The following SGCB variants were observed in gnomAD, a reference collection of about 807,000 sequenced individuals.
SGCB encodes the protein sarcoglycan beta.
SGCB carries 25 observed loss-of-function variants against 27.3 expected under a neutral mutation model. That is an observed-to-expected ratio of 0.92 (90% confidence interval 0.67 to 1.28). The LOEUF (loss-of-function observed/expected upper bound fraction) is 1.28, where lower values mean the gene tolerates loss of function less well. SGCB is among the 50% of genes most tolerant of loss of function. SGCB has a pLI of 0.00. For missense variants in SGCB, 436 were observed against 402.1 expected, an observed-to-expected ratio of 1.08 and a Z score of -0.72; for synonymous variants, 147 against 133.5, an observed-to-expected ratio of 1.10 and a Z score of -0.70.
At chr4:52,034,550 G>A (rs373305021) in intron 1 of SGCB, among the ~76,000 whole-genome samples, 2 of 151,846 alleles carry the variant, frequency 1.3e-5, no homozygotes, top group East Asian at 3.9e-4. Flanking sequence ...TGCAAAAACT[G>A]CACCACTTTA....
chr4:52,028,759 A>G lies in SGCB; in HGVS notation c.592T>C (p.Leu198=). 6.2e-7 allele frequency: 1 copy of G among 1,613,760 alleles called. No homozygotes were observed. The highest frequency in any genetic ancestry group is 2.2e-5 in the East Asian group (1 of 44,856). The change falls in exon 4 of 6, where the codon TTG becomes CTG. Residue 198 remains leucine, a synonymous_variant. Coordinates refer to ENST00000381431, the MANE Select transcript of SGCB (RefSeq NM_000232.5). ...EFHLPSGVKS[L]NVQKASTERI... ...TCAGTAGATGCCTTTTGAACATTCA[A>G]ACTTTTCACTCCACTTGGCAAATGA...
At chr4:52,034,495 C>G (rs2109377215) in intron 1 of SGCB, among the ~76,000 whole-genome samples, 1 of 150,974 alleles carries the variant, frequency 6.6e-6, no homozygotes, top group Admixed American at 6.6e-5. Flanking sequence ...TGTAAGTAAT[C>G]TGCAGATGGA....
intron 1 of SGCB, among the ~76,000 whole-genome samples, chr4:52,037,293 T>A (rs1737418679): frequency 6.6e-6 from 1 of 152,206 alleles, no homozygotes; most frequent in Non-Finnish European, 1.5e-5. Flanking sequence ...TGAAGAGAGA[T>A]TTTACGTCTT....
In SGCB at chr4:52,028,924, T is replaced by TC; in HGVS notation, c.430-4dup. 6.2e-7 allele frequency: 1 copy of TC among 1,609,324 alleles called. No homozygotes were observed. Among genetic ancestry groups the TC allele is most frequent in the Non-Finnish European group, 8.5e-7 (1 of 1,175,986 alleles). ...GTTGTCCCTTGCTGAAAAACAATCT[T>TC]CAAAAAAAACAGTTTATTGTGAATA... On this transcript the variant is annotated splice_polypyrimidine_tract_variant and splice_region_variant and intron_variant, in intron 3 of 5. Transcript: ENST00000381431.
intron 5 of SGCB, among the ~76,000 whole-genome samples, chr4:52,026,863 G>A (rs1356066982): frequency 6.6e-6 from 1 of 152,204 alleles, no homozygotes; most frequent in Non-Finnish European, 1.5e-5. Flanking sequence ...TTGCTTCTGT[G>A]ACTTTCTACT....
intron 5 of SGCB, among the ~76,000 whole-genome samples, chr4:52,025,876 G>A (rs1737076328): frequency 6.6e-6 from 1 of 152,220 alleles, no homozygotes; most frequent in South Asian, 2.1e-4. Flanking sequence ...ACTGATGGGT[G>A]TCATTTAATG....
chr4:52,026,787 C>T (rs527310722), intron 5 of SGCB, among the ~76,000 whole-genome samples: 1 of 152,070 alleles, frequency 6.6e-6, no homozygotes, highest in Non-Finnish European at 1.5e-5. Flanking sequence ...TAGAATGGGA[C>T]AAGAAGTGGC....
Position 52,024,179 on chromosome 4 carries a change from T to A in SGCB, c.754-19A>T, listed in dbSNP as rs1044047877. The A allele has an allele frequency of 1.9e-6, 3 of 1,590,126 alleles. No homozygotes were observed. The African/African-American group carries it at 4.0e-5, about 21-fold the overall frequency. On this transcript the variant is annotated intron_variant, in intron 5 of 5. Coordinates refer to ENST00000381431, the MANE Select transcript of SGCB (RefSeq NM_000232.5). ...TGTTTTCCTATTAGGAGAATAGTAA[T>A]ATGATTTATTTACCTCCATGAGGGG...
chr4:52,026,657 C>T (rs899587431), intron 5 of SGCB, among the ~76,000 whole-genome samples: 1 of 152,044 alleles, frequency 6.6e-6, no homozygotes, highest in South Asian at 2.1e-4. Context: ...CTGATATTAA[C>T]GAAGTTATAA....
At chr4:52,030,436 C>T (rs1294687531) in intron 2 of SGCB, among the ~76,000 whole-genome samples, 1 of 152,052 alleles carries the variant, frequency 6.6e-6, no homozygotes, top group Non-Finnish European at 1.5e-5. Context: ...ATTACCAAAC[C>T]AAATATGTCC....
At chr4:52,031,392 C>CTGTGTGTGTGTATG (rs1737241228) in intron 2 of SGCB, among the ~76,000 whole-genome samples, 1 of 140,152 alleles carries the variant, frequency 7.1e-6, no homozygotes, top group African/African-American at 2.9e-5. Context: ...CCATTCATCT[C>CTGTGTGTGTGTATG]TGTGTGTGTG....
At chr4:52,029,553 T>C in intron 3 of SGCB, 125 bp downstream of exon 3, 1 of 633,520 alleles carries the variant, frequency 1.6e-6, no homozygotes, top group Non-Finnish European at 2.8e-6. Flanking sequence ...ATAGATATAT[T>C]ATAAATATAC....
chr4:52,038,104 CG>C (rs2109380557), intron 1 of SGCB, 122 bp downstream of exon 1: 14 of 839,502 alleles, frequency 1.7e-5, no homozygotes, highest in Admixed American at 5.5e-5. Flanking sequence ...CGATCGGCCC[CG>C]CCGAACCCAG....
intron 5 of SGCB, among the ~76,000 whole-genome samples, chr4:52,025,067 C>T (rs901258718): frequency 6.6e-6 from 1 of 152,070 alleles, no homozygotes; most frequent in African/African-American, 2.4e-5. Flanking sequence ...TTCCTCCTTT[C>T]TTCTTTTCAT....
Position 52,028,901 on chromosome 4 carries a change from T to G in SGCB, c.450A>C (p.Thr150=), listed in dbSNP as rs1414826620. ...NNQPIVFQQG[T]TKLSVENNKT... is the part of the protein sequence containing the mutation. ...TGTTGTTTTCTACACTGAGCTTTGT[T>G]GTCCCTTGCTGAAAAACAATCTTCA... is the stretch of plus-strand genomic sequence containing the variant. Residue 150 remains threonine (T), a synonymous_variant, in exon 4 of 6, where the codon ACA becomes ACC. Coordinates refer to ENST00000381431, the MANE Select transcript of SGCB (RefSeq NM_000232.5). The G allele has an allele frequency of 1.2e-6, 2 of 1,613,770 alleles. No individual in the cohort carries two copies. The highest frequency in any genetic ancestry group is 1.1e-5 in the South Asian group (1 of 91,070).
intron 5 of SGCB, 95 bp downstream of exon 5, chr4:52,027,873 A>T: frequency 8.3e-7 from 1 of 1,206,174 alleles, no homozygotes; most frequent in Non-Finnish European, 1.2e-6. Context: ...AAAATAGACA[A>T]TTATATCATT....
chr4:52,030,372 T>G (rs1445501294), intron 2 of SGCB, among the ~76,000 whole-genome samples: 1 of 152,172 alleles, frequency 6.6e-6, no homozygotes, highest in African/African-American at 2.4e-5. Flanking sequence ...ATCTCAAGTT[T>G]TAATTAAATC....
chr4:52,029,890 G>A (rs748176790), intron 2 of SGCB, 27 bp from the exon 3 acceptor site: 32 of 1,537,734 alleles, frequency 2.1e-5, no homozygotes, highest in Admixed American at 5.0e-5. Flanking sequence ...GTCCACTGTT[G>A]GTAGGCCGCA....
chr4:52,031,481 CCTTTT>C (rs1737247687), intron 2 of SGCB, among the ~76,000 whole-genome samples: 1 of 121,716 alleles, frequency 8.2e-6, no homozygotes, highest in African/African-American at 2.8e-5. Flanking sequence ...CTTAATTGTT[CCTTTT>C]AATTTTTTTT....
Sources: gnomAD v4.1 joint callset for allele counts (sites outside exome capture counted in the v4.1 genomes callset) on GRCh38, gnomAD v4.1.1 for gene constraint, MANE v1.5 for transcripts, NCBI Gene and HGNC (gene_info 2026-07-23, HGNC 2026-07-21) for gene names.